The following SYK variants were observed in gnomAD, a reference collection of about 807,000 sequenced individuals.
The protein encoded by SYK is tyrosine-protein kinase SYK.
Under a neutral mutation model 77.8 loss-of-function variants are expected in SYK, and 16 were observed. The ratio of observed to expected loss-of-function variants is 0.21; its 90% confidence interval spans 0.14 to 0.31. SYK has a LOEUF of 0.31. Ranked by LOEUF, SYK falls within the 10% of genes least tolerant of loss-of-function variation. The pLI, the probability that SYK is intolerant of heterozygous loss-of-function variation, is 1.00. For synonymous variants in SYK, 312 were observed against 308.7 expected (o/e 1.01, Z -0.11); for missense variants, 529 against 814.4 (o/e 0.65, Z 4.26).
intron 3 of SYK, among the ~76,000 whole-genome samples, chr9:90,855,421 G>A: frequency 6.6e-6 from 1 of 152,072 alleles, no homozygotes; most frequent in East Asian, 1.9e-4. Flanking sequence ...CCCAGGCTGG[G>A]TCCCACCCAG....
At position 90,864,684 on chromosome 9, in the gene SYK, C is replaced by G; in HGVS notation, c.796+17C>G. On this transcript the variant is annotated intron_variant, in intron 5 of 13. Transcript: ENST00000375754. ...GCACACAGGGTGAGTTCCCAAGACA[C>G]TGGAGTCTCAGTGTTTGAGGTATCA... 1 of 1,607,922 alleles carries G rather than the reference C, an allele frequency of 6.2e-7. No individual in the cohort carries two copies. Among genetic ancestry groups the G allele is most frequent in the South Asian group, 1.1e-5 (1 of 90,958 alleles).
chr9:90,848,896 A>G (rs962411012), intron 3 of SYK, among the ~76,000 whole-genome samples: 9 of 152,198 alleles, frequency 5.9e-5, no homozygotes, highest in African/African-American at 2.2e-4. Context: ...GGGAGGATGG[A>G]CCTTGCTGTG....
intron 2 of SYK, among the ~76,000 whole-genome samples, chr9:90,844,850 C>T (rs913051712): frequency 3.9e-5 from 6 of 152,182 alleles, no homozygotes; most frequent in Non-Finnish European, 7.4e-5. Context: ...CTAGACCTAT[C>T]GTATACTACA....
At chr9:90,842,469 G>GT (rs1158323847) in intron 1 of SYK, among the ~76,000 whole-genome samples, 23 of 151,548 alleles carry the variant, frequency 1.5e-4, no homozygotes, top group African/African-American at 5.6e-4. Context: ...TCATGTGTGT[G>GT]GTGTGTATGT....
chr9:90,803,938 GA>G (rs1824716327), intron 1 of SYK, among the ~76,000 whole-genome samples: 4 of 151,118 alleles, frequency 2.6e-5, no homozygotes, highest in Non-Finnish European at 5.9e-5. Context: ...TCACTAAGTG[GA>G]ATAAATAAAG....
intron 12 of SYK, among the ~76,000 whole-genome samples, chr9:90,888,151 G>A (rs932797200): frequency 1.4e-4 from 22 of 152,166 alleles, no homozygotes; most frequent in Non-Finnish European, 5.9e-5. Context: ...AGTTGAAATA[G>A]AAATAATGAC....
At position 90,862,286 on chromosome 9, in the gene SYK, A is replaced by G; in HGVS notation, c.659A>G (p.Lys220Arg). The change falls in exon 4 of 14, where the codon AAA becomes AGA. Residue 220 changes from lysine (K) to arginine (R), a missense_variant. Around this residue, in one of 2 missense-constraint regions of SYK, gnomAD observed 321 missense variants for 433.1 expected, o/e 0.74. Coordinates refer to ENST00000375754, the MANE Select transcript of SYK (RefSeq NM_003177.7). ...EGKVLHYRIDKDKTGKLSIPE... is the reference protein window; with the variant it reads ...EGKVLHYRIDRDKTGKLSIPE... ...AAGGTGCTGCACTATCGCATCGACA[A>G]AGACAAGACAGGGAAGCTCTCCATC... The G allele has an allele frequency of 6.2e-7, 1 of 1,614,172 alleles. No individual in the cohort carries two copies. Among genetic ancestry groups the G allele is most frequent in the Non-Finnish European group, 8.5e-7 (1 of 1,180,000 alleles).
intron 11 of SYK, 129 bp from the exon 12 acceptor site, chr9:90,887,620 C>G: frequency 9.4e-7 from 1 of 1,067,706 alleles, no homozygotes; most frequent in Middle Eastern, 2.5e-4. Context: ...CCAGGCTGGT[C>G]TCAAGCTCCC....
At chr9:90,881,402 G>A (rs1407890869) in intron 11 of SYK, among the ~76,000 whole-genome samples, 1 of 152,100 alleles carries the variant, frequency 6.6e-6, no homozygotes, top group Non-Finnish European at 1.5e-5. Context: ...AAAGTGGGCC[G>A]GGCGTGGTGG....
intron 3 of SYK, among the ~76,000 whole-genome samples, chr9:90,850,306 T>C (rs1480949849): frequency 6.6e-6 from 1 of 152,114 alleles, no homozygotes; most frequent in Non-Finnish European, 1.5e-5. Flanking sequence ...TCACAAGGTC[T>C]AGAGATCAAG....
intron 1 of SYK, among the ~76,000 whole-genome samples, chr9:90,825,177 A>T (rs933305317): frequency 1.3e-5 from 2 of 152,108 alleles, no homozygotes; most frequent in Non-Finnish European, 2.9e-5. Flanking sequence ...TATGTACAGG[A>T]TCTGTATGCA....
chr9:90,819,917 A>G (rs887880475), intron 1 of SYK, among the ~76,000 whole-genome samples: 2 of 152,234 alleles, frequency 1.3e-5, no homozygotes, highest in African/African-American at 4.8e-5. Flanking sequence ...GTTACTTCCT[A>G]GATACAATGG....
At chr9:90,854,028 C>T (rs538549783) in intron 3 of SYK, among the ~76,000 whole-genome samples, 11 of 152,126 alleles carry the variant, frequency 7.2e-5, no homozygotes, top group East Asian at 1.9e-4. Flanking sequence ...TGCAGGAGCC[C>T]GGGCATCTAC....
chr9:90,871,988 C>A (rs1442461573), intron 7 of SYK, among the ~76,000 whole-genome samples: 1 of 152,214 alleles, frequency 6.6e-6, no homozygotes, highest in Non-Finnish European at 1.5e-5. Flanking sequence ...GAACAACACA[C>A]TGCTAGTGAG....
intron 1 of SYK, among the ~76,000 whole-genome samples, chr9:90,842,756 AGAGTGTGTGTGTGTGTGTGTGT>A (rs1348707319): frequency 1.4e-5 from 2 of 143,620 alleles, no homozygotes; most frequent in Non-Finnish European, 3.0e-5. Context: ...TGGTATGGAG[AGAGTGTGTGTGTGTGTGTGTGT>A]GTGTGTGTGT....
In SYK at chr9:90,837,077, T is replaced by C. The variant is rs1287634667; in HGVS notation, c.-41-6781T>C. Among the ~76,000 whole-genome samples, 6 of 152,324 alleles carry C rather than the reference T, an allele frequency of 3.9e-5. No individual in the cohort carries two copies. The East Asian group carries it at 5.8e-4, about 15-fold the overall frequency. On this transcript the variant is annotated intron_variant, in intron 1 of 13. Transcript: ENST00000375754. ...ATGTGTTAATCAGTTATTTATGTTATAGGTAAGCCTTCTGGTCAACAGTAG... is the reference window on the plus strand; with the variant it reads ...ATGTGTTAATCAGTTATTTATGTTACAGGTAAGCCTTCTGGTCAACAGTAG...
At chr9:90,805,430 A>G (rs1824788404) in intron 1 of SYK, among the ~76,000 whole-genome samples, 1 of 152,206 alleles carries the variant, frequency 6.6e-6, no homozygotes, top group Non-Finnish European at 1.5e-5. Context: ...AAAACCTTGC[A>G]GGCAAGCTGC....
At chr9:90,878,008 CT>C (rs894762654) in intron 10 of SYK, among the ~76,000 whole-genome samples, 1 of 152,112 alleles carries the variant, frequency 6.6e-6, no homozygotes, top group Non-Finnish European at 1.5e-5. Context: ...ACAGTTTTGT[CT>C]TTTTTTTCTT....
At chr9:90,894,536 G>A (rs905075234) in intron 13 of SYK, among the ~76,000 whole-genome samples, 1 of 152,216 alleles carries the variant, frequency 6.6e-6, no homozygotes, top group Non-Finnish European at 1.5e-5. Context: ...TGGTCCTGAT[G>A]CGCGTTCTAT....
Sources: gnomAD v4.1 joint callset for allele counts (sites outside exome capture counted in the v4.1 genomes callset) on GRCh38, gnomAD v4.1.1 for gene constraint, gnomAD v4.1.1 regional missense constraint, MANE v1.5 for transcripts, NCBI Gene and HGNC (gene_info 2026-07-23, HGNC 2026-07-21) for gene names.